Variants in DCDC1 observed in about 807,000 individuals in gnomAD.
DCDC1 encodes doublecortin domain containing 1.
A neutral mutation model predicts 178.3 loss-of-function variants in DCDC1; 200 were observed. The observed-to-expected ratio is 1.12, with a 90% confidence interval of 1.00 to 1.26. The LOEUF is 1.26. Among genes scored for constraint, DCDC1 ranks in the 50% most tolerant of loss-of-function variants. DCDC1 has a pLI of 0.00. For synonymous variants in DCDC1, 690 were observed against 604.8 expected (o/e 1.14, Z -2.07); for missense variants, 1,983 against 1,749.2 (o/e 1.13, Z -2.38).
intron 20 of DCDC1, among the ~76,000 whole-genome samples, chr11:30,991,902 C>A (rs290104): frequency 0.59 from 89,321 of 151,922 alleles, 26,946 homozygotes; most frequent in African/African-American, 0.7. Context: ...AATGAAGGAT[C>A]AAAGTAAAAC....
At chr11:31,309,862 A>T (rs912487525) in intron 3 of DCDC1, among the ~76,000 whole-genome samples, 1 of 152,294 alleles carries the variant, frequency 6.6e-6, no homozygotes, top group Non-Finnish European at 1.5e-5. Flanking sequence ...ACTGTTTTAT[A>T]ACCATTATTC....
At chr11:31,096,960 C>T (rs888696456) in intron 15 of DCDC1, among the ~76,000 whole-genome samples, 9 of 152,142 alleles carry the variant, frequency 5.9e-5, no homozygotes, top group African/African-American at 2.2e-4. Flanking sequence ...CATGCATGCG[C>T]ATATGTGTTT....
chr11:30,995,948 G>T (rs1951242292), intron 20 of DCDC1, among the ~76,000 whole-genome samples: 1 of 152,056 alleles, frequency 6.6e-6, no homozygotes. Context: ...AAAAACGTTT[G>T]CTCTGTGTAA....
chr11:31,113,178 T>C (rs963724805), intron 11 of DCDC1, among the ~76,000 whole-genome samples: 2 of 152,166 alleles, frequency 1.3e-5, no homozygotes, highest in African/African-American at 4.8e-5. Context: ...AGCAAAAACA[T>C]TAAAAATTCA....
chr11:31,083,880 T>C (rs540584396), intron 17 of DCDC1, among the ~76,000 whole-genome samples: 21 of 152,322 alleles, frequency 1.4e-4, no homozygotes, highest in Middle Eastern at 3.4e-3. Flanking sequence ...ATATCTGCAA[T>C]CCTTAAAAAT....
At chr11:31,098,407 A>G (rs745395224) in intron 15 of DCDC1, among the ~76,000 whole-genome samples, 11 of 152,230 alleles carry the variant, frequency 7.2e-5, no homozygotes, top group Admixed American at 2.0e-4. Flanking sequence ...TAAGAGAGCA[A>G]CAGGTTGTAA....
intron 9 of DCDC1, among the ~76,000 whole-genome samples, chr11:31,191,781 G>A (rs1226088643): frequency 6.6e-6 from 1 of 152,094 alleles, no homozygotes; most frequent in African/African-American, 2.4e-5. Context: ...CCTTCTCACG[G>A]TATTGAGAAT....
chr11:31,197,093 T>C (rs1445056680), intron 9 of DCDC1, among the ~76,000 whole-genome samples: 2 of 152,008 alleles, frequency 1.3e-5, no homozygotes, highest in Non-Finnish European at 2.9e-5. Context: ...CAGGACCAAA[T>C]ATATATATAT....
intron 9 of DCDC1, among the ~76,000 whole-genome samples, chr11:31,201,009 C>T (rs535188167): frequency 6.6e-6 from 1 of 151,704 alleles, no homozygotes; most frequent in Non-Finnish European, 1.5e-5. Flanking sequence ...TCCTACTTAT[C>T]CTCTCTTTGA....
chr11:30,973,700 A>C (rs1949939916), intron 20 of DCDC1, among the ~76,000 whole-genome samples: 1 of 152,198 alleles, frequency 6.6e-6, no homozygotes, highest in Non-Finnish European at 1.5e-5. Flanking sequence ...AGAGGATATA[A>C]CAATTCTAAA....
At chr11:31,076,881 G>C (rs2135554278) in intron 18 of DCDC1, among the ~76,000 whole-genome samples, 1 of 152,172 alleles carries the variant, frequency 6.6e-6, no homozygotes, top group East Asian at 1.9e-4. Context: ...AGATCACAGA[G>C]GAACTCACTC....
intron 1 of DCDC1, among the ~76,000 whole-genome samples, chr11:31,342,662 T>A (rs1950608333): frequency 6.6e-6 from 1 of 152,322 alleles, no homozygotes; most frequent in East Asian, 1.9e-4. Flanking sequence ...TCTTTTGAAA[T>A]CTTTCATAGG....
chr11:31,135,685 T>C (rs1963043368), intron 10 of DCDC1, among the ~76,000 whole-genome samples: 1 of 152,136 alleles, frequency 6.6e-6, no homozygotes, highest in African/African-American at 2.4e-5. Flanking sequence ...TGTGTATTTG[T>C]TTTTGAAGTA....
intron 18 of DCDC1, among the ~76,000 whole-genome samples, chr11:31,068,617 T>C (rs1407052236): frequency 6.6e-6 from 1 of 152,174 alleles, no homozygotes; most frequent in Non-Finnish European, 1.5e-5. Context: ...TCAATAATAA[T>C]ATTGGAGGAA....
At chr11:31,194,426 C>G (rs1403268841) in intron 9 of DCDC1, among the ~76,000 whole-genome samples, 1 of 151,764 alleles carries the variant, frequency 6.6e-6, no homozygotes, top group Non-Finnish European at 1.5e-5. Flanking sequence ...AAAATATGGA[C>G]AAGGATAGAA....
At chr11:31,029,896 T>A (rs1310634584) in intron 20 of DCDC1, among the ~76,000 whole-genome samples, 2 of 152,140 alleles carry the variant, frequency 1.3e-5, no homozygotes, top group Admixed American at 1.3e-4. Flanking sequence ...ATATCCATAA[T>A]AGGAATTTTA....
At chr11:31,196,256 A>G (rs1970680781) in intron 9 of DCDC1, among the ~76,000 whole-genome samples, 1 of 151,964 alleles carries the variant, frequency 6.6e-6, no homozygotes, top group South Asian at 2.1e-4. Flanking sequence ...TTCTGACAGC[A>G]AACGTGGTGG....
chr11:30,957,549 A>T (rs1297383535), intron 20 of DCDC1, among the ~76,000 whole-genome samples: 2 of 152,182 alleles, frequency 1.3e-5, no homozygotes, highest in African/African-American at 2.4e-5. Context: ...TGAGGTGATA[A>T]AGGATTCTGT....
intron 20 of DCDC1, among the ~76,000 whole-genome samples, chr11:30,971,615 T>TG (rs1949793611): frequency 7.1e-6 from 1 of 140,618 alleles, no homozygotes; most frequent in African/African-American, 2.7e-5. Context: ...TTTTTTTTTT[T>TG]TTTTTTTTTT....
Sources: allele counts gnomAD v4.1 joint callset (sites outside exome capture counted in the v4.1 genomes callset), GRCh38; gene constraint gnomAD v4.1.1; transcripts MANE v1.5; gene names NCBI Gene and HGNC (gene_info 2026-07-23, HGNC 2026-07-21).